Variants in SMYD3 observed in about 807,000 individuals in gnomAD.
SMYD3 encodes SET and MYND domain containing 3.
In SMYD3, 36 loss-of-function variants were observed where a neutral mutation model predicts 57.7. The ratio of observed to expected loss-of-function variants is 0.62; its 90% CI spans 0.48 to 0.82. The LOEUF (loss-of-function observed/expected upper bound fraction) is 0.82, where lower values mean the gene tolerates loss of function less well. SMYD3 is among the 40% of genes least tolerant of loss of function. The pLI, the probability that SMYD3 is intolerant of heterozygous loss-of-function variation, is 0.00. For synonymous variants in SMYD3, 211 were observed against 195.0 expected (o/e 1.08, Z -0.68); for missense variants, 515 against 538.8 (o/e 0.96, Z 0.44).
intron 5 of SMYD3, among the ~76,000 whole-genome samples, chr1:246,162,377 A>C (rs1001509789): frequency 6.6e-6 from 1 of 152,224 alleles, no homozygotes; most frequent in Non-Finnish European, 1.5e-5. Context: ...GAGACAACCT[A>C]AGTTGACACC....
At position 246,355,421 on chromosome 1, in the gene SMYD3, T is replaced by C. The variant is rs2065896714; in HGVS notation, c.165-327A>G. The stretch of plus-strand genomic sequence containing the variant: ...TGATCCAACAACTGCCACAGCAACA[T>C]ACCAGGTAAACTAAGAGAATCCACA... On this transcript the variant is annotated intron_variant, in intron 1 of 11. Transcript: ENST00000490107. This position sits in a 1 kb window ranked among gnomAD's most constrained non-coding sequence, Gnocchi z 5.0. 1 of 257,914 alleles carries C rather than the reference T, an allele frequency of 3.9e-6. No homozygotes were observed. Among genetic ancestry groups the C allele is most frequent in the South Asian group, 5.1e-5 (1 of 19,728 alleles). 16.0% of individuals were successfully genotyped at this position (257,914 alleles called of 1,614,324 possible).
At chr1:245,774,852 C>T (rs976100709) in intron 10 of SMYD3, among the ~76,000 whole-genome samples, 8 of 152,182 alleles carry the variant, frequency 5.3e-5, no homozygotes, top group African/African-American at 7.2e-5. Flanking sequence ...AGGGGTGCAC[C>T]GCCACGCCTG....
At chr1:246,361,155 CA>C (rs1196943289) in intron 1 of SMYD3, among the ~76,000 whole-genome samples, 1 of 152,126 alleles carries the variant, frequency 6.6e-6, no homozygotes, top group Non-Finnish European at 1.5e-5. Flanking sequence ...AGACAATTCT[CA>C]AAAGAAGATA....
intron 10 of SMYD3, among the ~76,000 whole-genome samples, chr1:245,837,451 C>G (rs2050160336): frequency 6.6e-6 from 1 of 151,962 alleles, no homozygotes; most frequent in African/African-American, 2.4e-5. Context: ...AAGAGGCATT[C>G]TATGGCCTGA....
chr1:245,900,825 C>G (rs2054136844), intron 8 of SMYD3, among the ~76,000 whole-genome samples: 1 of 152,190 alleles, frequency 6.6e-6, no homozygotes, highest in Non-Finnish European at 1.5e-5. Context: ...CTTCTCATTT[C>G]CAACCAAGGA....
chr1:246,348,077 T>TATGTATATATATATATATATAC, intron 2 of SMYD3, among the ~76,000 whole-genome samples: 2 of 86,488 alleles, frequency 2.3e-5, no homozygotes, highest in Non-Finnish European at 5.2e-5. Flanking sequence ...TATATATATA[T>TATGTATATATATATATATATAC]ACACACACAC....
chr1:246,051,626 C>T (rs1371665281), intron 5 of SMYD3, among the ~76,000 whole-genome samples: 1 of 150,774 alleles, frequency 6.6e-6, no homozygotes, highest in Non-Finnish European at 1.5e-5. Flanking sequence ...AAACTGTAGG[C>T]CATAAAATTA....
chr1:246,244,062 G>A (rs1291503537), intron 5 of SMYD3, among the ~76,000 whole-genome samples: 1 of 151,110 alleles, frequency 6.6e-6, no homozygotes, highest in Non-Finnish European at 1.5e-5. Context: ...ATATATATAT[G>A]AGTTAAAAAA....
chr1:245,919,982 A>G (rs1191845779), intron 7 of SMYD3, among the ~76,000 whole-genome samples: 1 of 152,210 alleles, frequency 6.6e-6, no homozygotes, highest in East Asian at 1.9e-4. Flanking sequence ...CTTTTCCATG[A>G]AACCATCTTT....
chr1:245,857,017 T>C (rs963243491), intron 10 of SMYD3, among the ~76,000 whole-genome samples: 4 of 152,152 alleles, frequency 2.6e-5, no homozygotes, highest in African/African-American at 9.7e-5. Flanking sequence ...GCGATTCGTA[T>C]TTTCCGAGAA....
chr1:245,970,113 C>T (rs781310066), intron 5 of SMYD3, among the ~76,000 whole-genome samples: 9 of 152,108 alleles, frequency 5.9e-5, no homozygotes, highest in South Asian at 2.1e-4. Flanking sequence ...CCAAAACAGA[C>T]GTATAGACGA....
intron 1 of SMYD3, among the ~76,000 whole-genome samples, chr1:246,464,463 G>GC (rs1361826988): frequency 6.6e-6 from 1 of 152,190 alleles, no homozygotes; most frequent in Non-Finnish European, 1.5e-5. Flanking sequence ...GTTGCAGTGA[G>GC]CCATGACTGC....
At chr1:245,894,788 C>T (rs1479399416) in intron 8 of SMYD3, among the ~76,000 whole-genome samples, 1 of 152,182 alleles carries the variant, frequency 6.6e-6, no homozygotes, top group Non-Finnish European at 1.5e-5. Flanking sequence ...TGCCATCCCT[C>T]AATCTATCCT....
chr1:245,891,706 G>C (rs1002959737), intron 8 of SMYD3, among the ~76,000 whole-genome samples: 2 of 150,338 alleles, frequency 1.3e-5, no homozygotes, highest in Admixed American at 1.3e-4. Context: ...GAGAGCCCAG[G>C]TTAGGAAGTG....
chr1:246,118,158 A>G (rs2061371061), intron 5 of SMYD3, among the ~76,000 whole-genome samples: 1 of 152,244 alleles, frequency 6.6e-6, no homozygotes, highest in Non-Finnish European at 1.5e-5. Flanking sequence ...TTAAATACAC[A>G]CTAAAGGATA....
At chr1:245,910,132 A>G (rs1440988748) in intron 8 of SMYD3, among the ~76,000 whole-genome samples, 1 of 152,170 alleles carries the variant, frequency 6.6e-6, no homozygotes, top group African/African-American at 2.4e-5. Context: ...TCAACATACA[A>G]AAATCAGTAG....
intron 5 of SMYD3, among the ~76,000 whole-genome samples, chr1:246,123,621 A>AC (rs2148035636): frequency 8.5e-6 from 1 of 117,120 alleles, no homozygotes; most frequent in Non-Finnish European, 1.9e-5. Flanking sequence ...CACACACACA[A>AC]ATCATTCTGC....
chr1:245,980,405 C>A (rs1238980545), intron 5 of SMYD3, among the ~76,000 whole-genome samples: 1 of 152,178 alleles, frequency 6.6e-6, no homozygotes, highest in Non-Finnish European at 1.5e-5. Context: ...CCCTAGAGCC[C>A]AGCACCAGGT....
chr1:246,120,931 T>G (rs751514409), intron 5 of SMYD3, among the ~76,000 whole-genome samples: 1 of 152,190 alleles, frequency 6.6e-6, no homozygotes, highest in Non-Finnish European at 1.5e-5. Context: ...CAATCAGTAT[T>G]TTCTCAGTGT....
Sources: gnomAD v4.1 joint callset for allele counts (sites outside exome capture counted in the v4.1 genomes callset) on GRCh38, gnomAD v4.1.1 for gene constraint, Gnocchi (gnomAD v3.1) non-coding constraint, MANE v1.5 for transcripts, NCBI Gene and HGNC (gene_info 2026-07-23, HGNC 2026-07-21) for gene names.